The following KLHL1 variants were observed in gnomAD, a reference collection of about 807,000 sequenced individuals.
The protein encoded by KLHL1 is kelch like family member 1.
In KLHL1, 47 loss-of-function variants were observed where a neutral mutation model predicts 77.7. That is an observed-to-expected ratio of 0.60 (90% CI 0.48 to 0.77). KLHL1 has a LOEUF of 0.77. KLHL1 is among the 30% of genes least tolerant of loss of function. The probability of loss-of-function intolerance (pLI) is 0.00; values close to 1 mark genes in which losing one functional copy is unlikely to be tolerated. For missense variants in KLHL1, 925 were observed against 910.8 expected (o/e 1.02, Z -0.20); for synonymous variants, 360 against 325.2 (o/e 1.11, Z -1.15).
At chr13:69,715,857 A>C (rs118029125) in intron 9 of KLHL1, among the ~76,000 whole-genome samples, 11 of 152,266 alleles carry the variant, frequency 7.2e-5, no homozygotes, top group Non-Finnish European at 1.3e-4. Flanking sequence ...ATAATATATC[A>C]AAATTGTTTT....
chr13:69,751,585 G>T (rs1387367259), intron 7 of KLHL1, among the ~76,000 whole-genome samples: 1 of 152,064 alleles, frequency 6.6e-6, no homozygotes, highest in Non-Finnish European at 1.5e-5. Context: ...GGCCGATGTG[G>T]CAAGAAAACT....
At chr13:69,878,172 C>G (rs967854295) in intron 5 of KLHL1, among the ~76,000 whole-genome samples, 18 of 152,140 alleles carry the variant, frequency 1.2e-4, no homozygotes, top group African/African-American at 4.3e-4. Flanking sequence ...TTACTAAATA[C>G]AATCATAGCT....
chr13:69,948,535 T>G (rs1369657244), intron 3 of KLHL1, among the ~76,000 whole-genome samples: 8 of 152,002 alleles, frequency 5.3e-5, no homozygotes, highest in Non-Finnish European at 1.2e-4. Flanking sequence ...TCCAATAAGG[T>G]GTGCTACATT....
At chr13:70,084,354 G>T (rs1024451487) in intron 1 of KLHL1, among the ~76,000 whole-genome samples, 1 of 151,850 alleles carries the variant, frequency 6.6e-6, no homozygotes, top group Non-Finnish European at 1.5e-5. Flanking sequence ...GATCCTTTTC[G>T]AGTTGAATAC....
At chr13:69,984,147 T>C (rs964778091) in intron 1 of KLHL1, among the ~76,000 whole-genome samples, 3 of 151,934 alleles carry the variant, frequency 2.0e-5, no homozygotes, top group Non-Finnish European at 2.9e-5. Context: ...TATGTACAAA[T>C]AGACAAGCGG....
At chr13:70,015,961 C>A (rs1339934561) in intron 1 of KLHL1, among the ~76,000 whole-genome samples, 1 of 151,954 alleles carries the variant, frequency 6.6e-6, no homozygotes, top group African/African-American at 2.4e-5. Context: ...ATGGGGTAGA[C>A]CCTTAAGTTT....
At chr13:69,760,370 T>G (rs1179061257) in intron 7 of KLHL1, among the ~76,000 whole-genome samples, 1 of 151,880 alleles carries the variant, frequency 6.6e-6, no homozygotes, top group Non-Finnish European at 1.5e-5. Context: ...TTATTATTAT[T>G]TTGAGACGGA....
intron 1 of KLHL1, among the ~76,000 whole-genome samples, chr13:70,055,305 T>C (rs73516798): frequency 0.035 from 5,259 of 152,142 alleles, 174 homozygotes; most frequent in African/African-American, 0.081. Flanking sequence ...AAAAATATTT[T>C]ATCCTAAAAA....
At chr13:69,917,648 A>G (rs1290416135) in intron 4 of KLHL1, among the ~76,000 whole-genome samples, 1 of 152,132 alleles carries the variant, frequency 6.6e-6, no homozygotes, top group African/African-American at 2.4e-5. Flanking sequence ...GAGCATATAC[A>G]CACATGCAAA....
At chr13:70,055,227 T>C (rs9599539) in intron 1 of KLHL1, among the ~76,000 whole-genome samples, 46,954 of 152,002 alleles carry the variant, frequency 0.31, 8,179 homozygotes, top group South Asian at 0.49. Context: ...AGCTGACTTA[T>C]CAGTGAGAAC....
intron 5 of KLHL1, among the ~76,000 whole-genome samples, chr13:69,839,956 T>C (rs977711531): frequency 1.3e-5 from 2 of 152,006 alleles, no homozygotes; most frequent in Admixed American, 6.6e-5. Context: ...TGGATCCTGT[T>C]TCACTTTGAG....
At chr13:70,016,659 C>T (rs1247153672) in intron 1 of KLHL1, among the ~76,000 whole-genome samples, 2 of 152,142 alleles carry the variant, frequency 1.3e-5, no homozygotes, top group Non-Finnish European at 2.9e-5. Flanking sequence ...CACAGGCCTG[C>T]AGGTGCCCCT....
intron 1 of KLHL1, among the ~76,000 whole-genome samples, chr13:70,096,586 T>C (rs989800609): frequency 6.6e-6 from 1 of 151,980 alleles, no homozygotes; most frequent in Admixed American, 6.6e-5. Context: ...GTTTTACTTG[T>C]CTTTTATTTT....
intron 1 of KLHL1, among the ~76,000 whole-genome samples, chr13:70,073,710 G>C (rs1300005063): frequency 6.6e-6 from 1 of 152,112 alleles, no homozygotes; most frequent in Non-Finnish European, 1.5e-5. Context: ...CCAGCAGCTA[G>C]AGGCTGCGGT....
At chr13:70,008,488 T>C (rs1305838760) in intron 1 of KLHL1, among the ~76,000 whole-genome samples, 1 of 152,086 alleles carries the variant, frequency 6.6e-6, no homozygotes, top group African/African-American at 2.4e-5. Flanking sequence ...ATGTGCGTCA[T>C]TGGCTATGCA....
At chr13:70,073,415 C>T (rs902486344) in intron 1 of KLHL1, among the ~76,000 whole-genome samples, 2 of 151,892 alleles carry the variant, frequency 1.3e-5, no homozygotes, top group East Asian at 1.9e-4. Flanking sequence ...TTGTGGGGTT[C>T]GGGGAGGGAG....
intron 6 of KLHL1, among the ~76,000 whole-genome samples, chr13:69,799,120 A>G (rs1028726906): frequency 6.6e-6 from 1 of 151,938 alleles, no homozygotes; most frequent in Non-Finnish European, 1.5e-5. Flanking sequence ...TTACACAGAT[A>G]TCTGTCTCTT....
At chr13:69,908,383 G>A (rs1324580132) in intron 4 of KLHL1, among the ~76,000 whole-genome samples, 1 of 151,372 alleles carries the variant, frequency 6.6e-6, no homozygotes, top group East Asian at 1.9e-4. Context: ...ATAAAGAAAC[G>A]GTGTGAGAGA....
chr13:70,075,150 AC>A (rs1284020026), intron 1 of KLHL1, among the ~76,000 whole-genome samples: 2 of 152,004 alleles, frequency 1.3e-5, no homozygotes, highest in African/African-American at 4.8e-5. Flanking sequence ...GATGATTGAG[AC>A]TTAAATACTC....
Sources: gnomAD v4.1 joint callset for allele counts (sites outside exome capture counted in the v4.1 genomes callset) on GRCh38, gnomAD v4.1.1 for gene constraint, MANE v1.5 for transcripts, NCBI Gene and HGNC (gene_info 2026-07-23, HGNC 2026-07-21) for gene names.